The following CELSR1 variants were observed in gnomAD, a reference collection of about 807,000 sequenced individuals.
CELSR1 encodes cadherin EGF LAG seven-pass G-type receptor 1.
In CELSR1, 110 loss-of-function variants were observed where a neutral mutation model predicts 249.1. That is an observed-to-expected ratio of 0.44 (90% CI 0.38 to 0.52). The LOEUF (loss-of-function observed/expected upper bound fraction) is 0.52, where lower values mean the gene tolerates loss of function less well. Ranked by LOEUF, CELSR1 falls within the 20% of genes least tolerant of loss-of-function variation. The pLI is 0.00. For synonymous variants in CELSR1, 2,113 were observed against 1,900.0 expected (o/e 1.11, Z -2.92); for missense variants, 4,109 against 4,296.4 (o/e 0.96, Z 1.22).
chr22:46,509,654 T>C (rs2080552374), intron 1 of CELSR1, among the ~76,000 whole-genome samples: 1 of 151,914 alleles, frequency 6.6e-6, no homozygotes, highest in Non-Finnish European at 1.5e-5. Context: ...GTGCCAGCGG[T>C]GCTGGGGGAG....
chr22:46,450,756 AC>A (rs1354370876), intron 2 of CELSR1, among the ~76,000 whole-genome samples: 112 of 151,938 alleles, frequency 7.4e-4, no homozygotes. Context: ...CCCATTCCAA[AC>A]CCCCACAGCA....
chr22:46,368,469 C>A lies in CELSR1; in HGVS notation c.7953-614G>T, dbSNP rs148439973. On this transcript the variant is annotated intron_variant, in intron 27 of 34. Transcript: ENST00000674500. ...TGCCTCTCCCTCTCTGCCCTACCCC[C>A]CTTCAGACTCGGCTCTCTCCTCCCG... 2.4e-3 allele frequency among the ~76,000 whole-genome samples: 370 copies of A among 152,094 alleles called. 2 individuals are homozygous for A. The highest frequency in any genetic ancestry group is 3.5e-3 in the Non-Finnish European group (238 of 67,920).
In CELSR1 at chr22:46,490,380, G is replaced by A. The variant is rs62233280; in HGVS notation, c.3545-26035C>T. On this transcript the variant is annotated intron_variant, in intron 1 of 34. Transcript: ENST00000674500. This position sits in a 1 kb window ranked among gnomAD's most constrained non-coding sequence, Gnocchi z 5.2. Reference sequence around the variant, plus strand: ...TGGCTCACTCCAACCTCCGCCTCCCGAGTTCAACCAATTCTTCTCCCTCAG... The same window carrying A: ...TGGCTCACTCCAACCTCCGCCTCCCAAGTTCAACCAATTCTTCTCCCTCAG... Among the ~76,000 whole-genome samples the A allele has an allele frequency of 0.12, 17,919 of 152,012 alleles. 1,293 individuals carry two copies. The highest frequency in any genetic ancestry group is 0.17 in the East Asian group (889 of 5,152).
At position 46,513,516 on chromosome 22, in the gene CELSR1, C is replaced by T. The variant is rs1333332799; in HGVS notation, c.3544+20111G>A. Among the ~76,000 whole-genome samples, 3 of 150,950 alleles carry T rather than the reference C, an allele frequency of 2.0e-5. 1 individual carries two copies. The South Asian group carries it at 6.3e-4, about 32-fold the overall frequency. ...GAGTATTTCAAGCAATATTCTCAAC[C>T]ATAAAATCTTAGGAGCCAAGATCAA... On this transcript the variant is annotated intron_variant, in intron 1 of 34. Coordinates refer to ENST00000674500, the MANE Select transcript of CELSR1 (RefSeq NM_001378328.1).
In CELSR1 at chr22:46,393,196, G is replaced by C. The variant is rs1178845423; in HGVS notation, c.5964+946C>G. On this transcript the variant is annotated intron_variant, in intron 14 of 34. Coordinates refer to ENST00000674500, the MANE Select transcript of CELSR1 (RefSeq NM_001378328.1). The surrounding 1 kb of genome is among the most constrained non-coding windows in gnomAD (Gnocchi z 4.1). ...CTCAGACCTAACATTTGGGTTTCAA[G>C]TCACTGTGAGCGCCATGGCCGTGGT... 6.6e-6 allele frequency among the ~76,000 whole-genome samples: 1 copy of C among 152,154 alleles called. No individual in the cohort carries two copies. The highest frequency in any genetic ancestry group is 1.5e-5 in the Non-Finnish European group (1 of 68,018).
At chr22:46,418,964 C>T (rs1276032263) in intron 5 of CELSR1, among the ~76,000 whole-genome samples, 1 of 152,188 alleles carries the variant, frequency 6.6e-6, no homozygotes, top group Non-Finnish European at 1.5e-5. Flanking sequence ...CCTGGGCATG[C>T]GTGTTCAGCA....
intron 9 of CELSR1, among the ~76,000 whole-genome samples, chr22:46,405,499 G>C (rs1022861354): frequency 6.6e-6 from 1 of 151,410 alleles, no homozygotes; most frequent in African/African-American, 2.4e-5. Flanking sequence ...GCCATCTCTT[G>C]CATTGTTCTT....
chr22:46,422,743 G>A (rs1569152605), intron 5 of CELSR1, among the ~76,000 whole-genome samples: 1 of 146,646 alleles, frequency 6.8e-6, no homozygotes, highest in Non-Finnish European at 1.5e-5. Context: ...CTCCAGCCTG[G>A]GCGACAGAGC....
Position 46,500,801 on chromosome 22 carries a change from C to G in CELSR1, c.3544+32826G>C, listed in dbSNP as rs2080458405. On this transcript the variant is annotated intron_variant, in intron 1 of 34. Coordinates refer to ENST00000674500, the MANE Select transcript of CELSR1 (RefSeq NM_001378328.1). The surrounding 1 kb of genome is among the most constrained non-coding windows in gnomAD (Gnocchi z 4.9). ...CTGGAGCTGCCCGGGAGGCCAGCAG[C>G]AGGTCAGGCCACTACATTGCGTCTC... is the stretch of plus-strand genomic sequence containing the variant. Among the ~76,000 whole-genome samples the G allele has an allele frequency of 6.6e-6, 1 of 152,160 alleles. No individual in the cohort carries two copies. Among genetic ancestry groups the G allele is most frequent in the South Asian group, 2.1e-4 (1 of 4,836 alleles).
Position 46,473,694 on chromosome 22 carries a change from G to A in CELSR1, c.3545-9349C>T, listed in dbSNP as rs1428301677. Among the ~76,000 whole-genome samples the A allele has an allele frequency of 4.6e-5, 7 of 152,172 alleles. No homozygotes were observed. Among genetic ancestry groups the A allele is most frequent in the Admixed American group, 1.3e-4 (2 of 15,270 alleles). On this transcript the variant is annotated intron_variant, in intron 1 of 34. Transcript: ENST00000674500. The surrounding 1 kb of genome is among the most constrained non-coding windows in gnomAD (Gnocchi z 6.6). ...CCAGCTGGTAAGAGACACAGGGTGCGTGCCTGTCCTTCCCGAGGCCTTCAC... is the reference window on the plus strand; with the variant it reads ...CCAGCTGGTAAGAGACACAGGGTGCATGCCTGTCCTTCCCGAGGCCTTCAC...
In CELSR1 at chr22:46,417,521, C is replaced by T. The variant is rs1345490981; in HGVS notation, c.4612-5762G>A. Among the ~76,000 whole-genome samples the T allele has an allele frequency of 5.3e-5, 8 of 152,186 alleles. No homozygotes were observed. Among genetic ancestry groups the T allele is most frequent in the Non-Finnish European group, 1.2e-4 (8 of 68,044 alleles). On this transcript the variant is annotated intron_variant, in intron 5 of 34. Coordinates refer to ENST00000674500, the MANE Select transcript of CELSR1 (RefSeq NM_001378328.1). This position sits in a 1 kb window ranked among gnomAD's most constrained non-coding sequence, Gnocchi z 4.1. ...CTGGCTCGAAGGGTGCGGTATTCCC[C>T]CAGGGCTGTCAGCAGCAAACCGTCT...
In CELSR1 at chr22:46,508,000, T is replaced by G. The variant is rs768356775; in HGVS notation, c.3544+25627A>C. 2.0e-5 allele frequency among the ~76,000 whole-genome samples: 3 copies of G among 152,186 alleles called. No individual in the cohort carries two copies. In the South Asian group the frequency reaches 6.2e-4, roughly 31 times the overall value. ...CTAGGTGGGATAACCATGCTGGGGA[T>G]AGCTTGGTCCCGCCGGGATAGCCCT... On this transcript the variant is annotated intron_variant, in intron 1 of 34. Transcript: ENST00000674500.
rs1217652761 is a variant in CELSR1 at position 46,446,973 on chromosome 22, T to G, written c.4184-7562A>C. Among the ~76,000 whole-genome samples, 2 of 152,090 alleles carry G rather than the reference T, an allele frequency of 1.3e-5. No individual in the cohort carries two copies. The highest frequency in any genetic ancestry group is 2.4e-5 in the African/African-American group (1 of 41,410). On this transcript the variant is annotated intron_variant, in intron 2 of 34. Coordinates refer to ENST00000674500, the MANE Select transcript of CELSR1 (RefSeq NM_001378328.1). This position sits in a 1 kb window ranked among gnomAD's most constrained non-coding sequence, Gnocchi z 5.5. ...CCCTGAGGGTTGGTGGTTAAGCACT[T>G]GCAGCACAGCCCTGCACAGAAGATA...
chr22:46,475,568 A>T (rs1202368625), intron 1 of CELSR1, among the ~76,000 whole-genome samples: 1 of 151,756 alleles, frequency 6.6e-6, no homozygotes, highest in Non-Finnish European at 1.5e-5. Flanking sequence ...AAACAATGTG[A>T]ATGCATTTAA....
In CELSR1 at chr22:46,534,130, A is replaced by C. The variant is rs2080822967; in HGVS notation, c.3041T>G (p.Val1014Gly). The C allele has an allele frequency of 6.2e-7, 1 of 1,613,646 alleles. No individual in the cohort carries two copies. The highest frequency in any genetic ancestry group is 8.5e-7 in the Non-Finnish European group (1 of 1,180,036). Residue 1014 changes from valine to glycine, a missense_variant, in exon 1 of 35, where the codon GTG becomes GGG. Transcript: ENST00000674500. This position sits in a 1 kb window ranked among gnomAD's most constrained non-coding sequence, Gnocchi z 9.7. Reference sequence around the variant, plus strand: ...ACGAATCTTTGCCACCACCGACCCCACTGGGTTGTTCTCCTCAACAAACAG... The same window carrying C: ...ACGAATCTTTGCCACCACCGACCCCCCTGGGTTGTTCTCCTCAACAAACAG... ...LELFVEENNP[V>G]GSVVAKIRAN...
Position 46,375,861 on chromosome 22 carries a change from C to T in CELSR1, c.7584+1200G>A, listed in dbSNP as rs527361477. Reference sequence around the variant, plus strand: ...TGCCCAGCCTAATTGTTTCTCATAACGTGCCTGTAGACTATTTTAGATTTT... The same window carrying T: ...TGCCCAGCCTAATTGTTTCTCATAATGTGCCTGTAGACTATTTTAGATTTT... On this transcript the variant is annotated intron_variant, in intron 24 of 34. Coordinates refer to ENST00000674500, the MANE Select transcript of CELSR1 (RefSeq NM_001378328.1). Among the ~76,000 whole-genome samples, 6 of 152,314 alleles carry T rather than the reference C, an allele frequency of 3.9e-5. No homozygotes were observed. In the South Asian group the frequency reaches 1.0e-3, roughly 26 times the overall value.
chr22:46,486,055 A>G (rs1471927203), intron 1 of CELSR1, among the ~76,000 whole-genome samples: 1 of 148,078 alleles, frequency 6.8e-6, no homozygotes, highest in African/African-American at 2.5e-5. Context: ...CTCCTGCCTC[A>G]GCCTCCCAAG....
chr22:46,533,754 G>C lies in CELSR1; in HGVS notation c.3417C>G (p.Asn1139Lys). The C allele has an allele frequency of 1.9e-6, 3 of 1,613,514 alleles. No homozygotes were observed. Among genetic ancestry groups the C allele is most frequent in the Non-Finnish European group, 2.5e-6 (3 of 1,180,042 alleles). ...AHDPDVSDSL[N>K]YTFVQGNELR... ...GCTCGTTGCCCTGCACGAAGGTGTA[G>C]TTGAGGCTGTCTGACACGTCGGGGT... Residue 1139 changes from asparagine (N) to lysine (K), a missense_variant, in exon 1 of 35, where the codon AAC becomes AAG. Around this residue, in one of 7 missense-constraint regions of CELSR1, gnomAD observed 886 missense variants for 896.5 expected, o/e 0.99. Transcript: ENST00000674500.
At chr22:46,377,810 T>G (rs1437135813) in intron 23 of CELSR1, among the ~76,000 whole-genome samples, 1 of 152,212 alleles carries the variant, frequency 6.6e-6, no homozygotes, top group Non-Finnish European at 1.5e-5. Context: ...CAGCCCCGCC[T>G]GAGGGCTGAC....
Sources: gnomAD v4.1 joint callset for allele counts (sites outside exome capture counted in the v4.1 genomes callset) on GRCh38, gnomAD v4.1.1 for gene constraint, gnomAD v4.1.1 regional missense constraint, Gnocchi (gnomAD v3.1) non-coding constraint, MANE v1.5 for transcripts, NCBI Gene and HGNC (gene_info 2026-07-23, HGNC 2026-07-21) for gene names.